The following KMT2E variants were observed in gnomAD, a reference collection of about 807,000 sequenced individuals.
KMT2E encodes the protein histone reader KMT2E.
KMT2E carries 30 observed loss-of-function variants against 184.6 expected under a neutral mutation model. The ratio of observed to expected loss-of-function variants is 0.16; its 90% CI spans 0.12 to 0.22. The LOEUF is 0.22. Among genes scored for constraint, KMT2E ranks in the 10% least tolerant of loss-of-function variants. KMT2E has a pLI of 1.00. For missense variants in KMT2E, 2,023 were observed against 2,237.4 expected (o/e 0.90, Z 1.93); for synonymous variants, 815 against 776.5 (o/e 1.05, Z -0.82).
chr7:105,058,572 T>TA (rs1189479921), intron 3 of KMT2E, among the ~76,000 whole-genome samples: 1 of 152,210 alleles, frequency 6.6e-6, no homozygotes, highest in African/African-American at 2.4e-5. Flanking sequence ...AGAATATACT[T>TA]ACATTTTAGT....
At chr7:105,051,463 G>T (rs545822124) in intron 3 of KMT2E, among the ~76,000 whole-genome samples, 1 of 152,200 alleles carries the variant, frequency 6.6e-6, no homozygotes, top group South Asian at 2.1e-4. Context: ...GGGATTACAG[G>T]TGTGAGCCAC....
At chr7:105,090,878 TG>T (rs1187113929) in intron 14 of KMT2E, among the ~76,000 whole-genome samples, 6 of 152,206 alleles carry the variant, frequency 3.9e-5, no homozygotes, top group African/African-American at 1.4e-4. Context: ...AACTTTCAAC[TG>T]AACAAACACT....
At chr7:105,027,074 C>CT (rs34930855) in intron 1 of KMT2E, among the ~76,000 whole-genome samples, 3,060 of 81,716 alleles carry the variant, frequency 0.037, 7 homozygotes, top group Non-Finnish European at 0.055. Flanking sequence ...GCCCCGCCCT[C>CT]TTTTTTTTTT....
rs554616672 is a variant in KMT2E, at chr7:105,109,833, ATAAGAT to A, written c.3756-443_3756-438del. 2.7e-3 allele frequency among the ~76,000 whole-genome samples: 414 copies of A among 150,924 alleles called. 6 individuals carry two copies. The highest frequency in any genetic ancestry group is 9.5e-3 in the African/African-American group (389 of 40,940). On this transcript the variant is annotated intron_variant, in intron 23 of 26. Transcript: ENST00000311117. Reference sequence around the variant, plus strand: ...CTCAGTTCTGGGAGCAGTCAGCAAAATAAGATTAACTTTTTTTTTTTTTTTTTTGAG... The same window carrying A: ...CTCAGTTCTGGGAGCAGTCAGCAAAATAACTTTTTTTTTTTTTTTTTTGAG...
chr7:105,037,352 T>G (rs1795701888), intron 1 of KMT2E, among the ~76,000 whole-genome samples: 2 of 152,038 alleles, frequency 1.3e-5, no homozygotes, highest in African/African-American at 4.8e-5. Context: ...AGTGTTACTT[T>G]TTGTTTTCTT....
intron 3 of KMT2E, among the ~76,000 whole-genome samples, chr7:105,049,747 C>G (rs182085614): frequency 6.6e-6 from 1 of 152,172 alleles, no homozygotes; most frequent in East Asian, 1.9e-4. Context: ...AAAAAATTAG[C>G]TGGCTGTAGT....
rs147828960 is a variant in KMT2E at position 105,022,775 on chromosome 7, A to G, written c.-189+8240A>G. Among the ~76,000 whole-genome samples, 7 of 152,288 alleles carry G rather than the reference A, an allele frequency of 4.6e-5. No individual in the cohort carries two copies. The East Asian group carries it at 1.2e-3, about 25-fold the overall frequency. On this transcript the variant is annotated intron_variant, in intron 1 of 26. Transcript: ENST00000311117. ...ATTTTCTTCTTTTCTTTACTTGGGTACATACATACACATATACACCAGGGT... is the reference window on the plus strand; with the variant it reads ...ATTTTCTTCTTTTCTTTACTTGGGTGCATACATACACATATACACCAGGGT...
In KMT2E at chr7:105,062,915, T is replaced by C. The variant is rs1796878954; in HGVS notation, c.187-436T>C. 2.0e-5 allele frequency among the ~76,000 whole-genome samples: 3 copies of C among 151,802 alleles called. No homozygotes were observed. In the South Asian group the frequency reaches 6.2e-4, roughly 31 times the overall value. On this transcript the variant is annotated intron_variant, in intron 4 of 26. Coordinates refer to ENST00000311117, the MANE Select transcript of KMT2E (RefSeq NM_182931.3). Reference sequence around the variant, plus strand: ...ATAAAAATTACTAAATTTAAAAAACTATATTATATGTTTTATAGTGATAAA... The same window carrying C: ...ATAAAAATTACTAAATTTAAAAAACCATATTATATGTTTTATAGTGATAAA...
intron 7 of KMT2E, 63 bp downstream of exon 7, chr7:105,073,740 C>G (rs1797423868): frequency 1.0e-6 from 1 of 956,588 alleles, no homozygotes; most frequent in South Asian, 1.4e-5. Context: ...ACGGTTCTCT[C>G]AACTTTTAGT....
At chr7:105,079,489 A>G (rs908366188) in intron 12 of KMT2E, among the ~76,000 whole-genome samples, 4 of 129,178 alleles carry the variant, frequency 3.1e-5, no homozygotes, top group South Asian at 2.5e-4. Context: ...GATGCTCCTT[A>G]TAAGAGGAAA....
chr7:105,044,510 C>T (rs1796017639), intron 3 of KMT2E, among the ~76,000 whole-genome samples: 1 of 152,096 alleles, frequency 6.6e-6, no homozygotes, highest in Admixed American at 6.6e-5. Context: ...TATATAGTGA[C>T]TTTAGTGGTA....
At chr7:105,050,687 TTCTCTTTC>T (rs1001100148) in intron 3 of KMT2E, among the ~76,000 whole-genome samples, 12 of 151,364 alleles carry the variant, frequency 7.9e-5, no homozygotes, top group Admixed American at 2.6e-4. Flanking sequence ...CTTTCTTTCT[TTCTCTTTC>T]TCTCTTTCTC....
At chr7:105,091,378 G>T in intron 15 of KMT2E, 64 bp downstream of exon 15, 2 of 864,058 alleles carry the variant, frequency 2.3e-6, no homozygotes, top group Admixed American at 1.8e-5. Flanking sequence ...AATTGTTGCT[G>T]CCTTTACATG....
chr7:105,075,386 C>T (rs1056223838), intron 8 of KMT2E, among the ~76,000 whole-genome samples: 1 of 152,012 alleles, frequency 6.6e-6, no homozygotes, highest in African/African-American at 2.4e-5. Context: ...AGTGGGCTCT[C>T]GATACATGTT....
chr7:105,105,413 T>C (rs1223805942), intron 17 of KMT2E, 26 bp from the exon 18 acceptor site: 3 of 1,531,398 alleles, frequency 2.0e-6, no homozygotes, highest in Admixed American at 2.2e-5. Context: ...ACATATATAA[T>C]GATCCAATTT....
In KMT2E at chr7:105,113,600, C is replaced by CTT. The variant is rs35249094; in HGVS notation, c.*280_*281dup. The CTT allele has an allele frequency of 2.1e-4, 43 of 204,574 alleles. No homozygotes were observed. Among genetic ancestry groups the CTT allele is most frequent in the South Asian group, 3.6e-4 (3 of 8,274 alleles). The allele number at this position is 204,574 out of a possible 1,614,324, so 12.7% of individuals were successfully genotyped here. A position where few individuals can be genotyped will look rare whatever the true frequency, so the allele number is the denominator to read the frequency against. On this transcript the variant is annotated 3_prime_UTR_variant, in exon 27 of 27. Coordinates refer to ENST00000311117, the MANE Select transcript of KMT2E (RefSeq NM_182931.3). ...TGATGCTGATTTGATGCTGTATGAT[C>CTT]TTTTTTTTTTTTTTAGTTAAATTCA...
chr7:105,107,488 A>C lies in KMT2E; in HGVS notation c.3031A>C (p.Arg1011=), dbSNP rs776050730. Residue 1011 remains arginine, a synonymous_variant, in exon 22 of 27, where the codon AGG becomes CGG. Coordinates refer to ENST00000311117, the MANE Select transcript of KMT2E (RefSeq NM_182931.3). ...TSPRSRTEVN[R]QCPGEKEPVS... ...CCCTAGGAGTAGGACTGAAGTCAAC[A>C]GGCAGTGTCCTGGAGAAAAGGAACC... The C allele has an allele frequency of 1.6e-5, 26 of 1,614,102 alleles. No homozygotes were observed. The South Asian group carries it at 2.3e-4, about 14-fold the overall frequency.
At chr7:105,024,044 A>G (rs139723314) in intron 1 of KMT2E, among the ~76,000 whole-genome samples, 7 of 152,320 alleles carry the variant, frequency 4.6e-5, no homozygotes, top group East Asian at 1.9e-4. Context: ...AGTTTTATGT[A>G]TTTTCAGTTA....
chr7:105,015,458 C>T (rs1794678247), intron 1 of KMT2E, among the ~76,000 whole-genome samples: 1 of 152,044 alleles, frequency 6.6e-6, no homozygotes. Flanking sequence ...TAGAGTAAAC[C>T]TCGTTTTGCC....
Sources: allele counts gnomAD v4.1 joint callset (sites outside exome capture counted in the v4.1 genomes callset), GRCh38; gene constraint gnomAD v4.1.1; transcripts MANE v1.5; gene names NCBI Gene and HGNC (gene_info 2026-07-23, HGNC 2026-07-21).